Variants in CCSER1 observed in about 807,000 individuals in gnomAD.
CCSER1 encodes coiled-coil serine rich protein 1.
In CCSER1, 41 loss-of-function variants were observed where a neutral mutation model predicts 82.0. The ratio of observed to expected loss-of-function variants is 0.50; its 90% CI spans 0.39 to 0.65. The LOEUF (loss-of-function observed/expected upper bound fraction) is 0.65, where lower values mean the gene tolerates loss of function less well. Among genes scored for constraint, CCSER1 ranks in the 30% least tolerant of loss-of-function variants. The pLI is 0.00. For synonymous variants in CCSER1, 414 were observed against 383.9 expected, an observed-to-expected ratio of 1.08 and a Z score of -0.92; for missense variants, 1,119 against 1,064.2, an observed-to-expected ratio of 1.05 and a Z score of -0.72.
intron 5 of CCSER1, among the ~76,000 whole-genome samples, chr4:90,470,901 T>C (rs1764314127): frequency 6.6e-6 from 1 of 152,036 alleles, no homozygotes; most frequent in Non-Finnish European, 1.5e-5. Flanking sequence ...CTAGATAATT[T>C]GTTGATGTTG....
At chr4:91,325,639 C>G (rs984470467) in intron 10 of CCSER1, among the ~76,000 whole-genome samples, 7 of 152,176 alleles carry the variant, frequency 4.6e-5, no homozygotes, top group Non-Finnish European at 7.3e-5. Context: ...TCTCTCCTTT[C>G]ATCCATTGCT....
chr4:91,499,437 A>C (rs1759091999), intron 10 of CCSER1, among the ~76,000 whole-genome samples: 2 of 151,982 alleles, frequency 1.3e-5, no homozygotes, highest in African/African-American at 4.8e-5. Flanking sequence ...CCTGTAACAC[A>C]GTGGTACATT....
At position 90,934,580 on chromosome 4, in the gene CCSER1, G is replaced by A. The variant is rs904927270; in HGVS notation, c.2172+11133G>A. Among the ~76,000 whole-genome samples the A allele has an allele frequency of 2.0e-5, 3 of 152,016 alleles. No homozygotes were observed. The East Asian group carries it at 5.8e-4, about 29-fold the overall frequency. ...TCAAAAATCAGACAAAATCCAAATG[G>A]GCAGTATTCTACAAGACACCTCATG... On this transcript the variant is annotated intron_variant, in intron 9 of 10. Transcript: ENST00000509176.
intron 6 of CCSER1, among the ~76,000 whole-genome samples, chr4:90,635,385 A>C (rs1046210991): frequency 4.0e-5 from 6 of 151,714 alleles, no homozygotes; most frequent in Non-Finnish European, 5.9e-5. Flanking sequence ...AATGGAATGA[A>C]ACTAGGAATC....
chr4:90,198,949 A>AT (rs1032748129), intron 1 of CCSER1, among the ~76,000 whole-genome samples: 17 of 151,964 alleles, frequency 1.1e-4, no homozygotes, highest in African/African-American at 4.1e-4. Flanking sequence ...CTTTAAAACA[A>AT]TTTTTTTTCA....
At chr4:91,132,354 G>C (rs1393077364) in intron 10 of CCSER1, among the ~76,000 whole-genome samples, 1 of 152,014 alleles carries the variant, frequency 6.6e-6, no homozygotes, top group East Asian at 1.9e-4. Flanking sequence ...GGTCACAGAG[G>C]GCATTAACGT....
chr4:91,590,541 A>G (rs1347815239), intron 10 of CCSER1, among the ~76,000 whole-genome samples: 4 of 152,128 alleles, frequency 2.6e-5, no homozygotes, highest in Admixed American at 1.3e-4. Flanking sequence ...TTTCTCAGTG[A>G]TGACAGGAAA....
At chr4:90,795,795 A>G (rs1266323672) in intron 7 of CCSER1, among the ~76,000 whole-genome samples, 1 of 152,188 alleles carries the variant, frequency 6.6e-6, no homozygotes, top group East Asian at 1.9e-4. Flanking sequence ...GATGAATCAC[A>G]TTTATTTATT....
intron 7 of CCSER1, among the ~76,000 whole-genome samples, chr4:90,812,630 C>T (rs1057264264): frequency 6.6e-6 from 1 of 152,134 alleles, no homozygotes; most frequent in African/African-American, 2.4e-5. Flanking sequence ...AGTCCATTTT[C>T]ACACCACTAT....
chr4:91,272,852 G>A (rs978111144), intron 10 of CCSER1, among the ~76,000 whole-genome samples: 1 of 152,134 alleles, frequency 6.6e-6, no homozygotes, highest in Non-Finnish European at 1.5e-5. Flanking sequence ...TGAATAGTGT[G>A]TGCTTTGCCC....
chr4:91,550,606 C>T lies in CCSER1; in HGVS notation c.2218-47966C>T, dbSNP rs141806546. The stretch of plus-strand genomic sequence containing the variant: ...ATTTCTGGTTCAGAAAACAGAAGTT[C>T]GTTTTGTAATGTTTTAAGAAGAGAA... On this transcript the variant is annotated intron_variant, in intron 10 of 10. Coordinates refer to ENST00000509176, the MANE Select transcript of CCSER1 (RefSeq NM_001145065.2). Among the ~76,000 whole-genome samples the T allele has an allele frequency of 4.4e-3, 669 of 152,104 alleles. 6 individuals are homozygous for T. Among genetic ancestry groups the T allele is most frequent in the African/African-American group, 0.015 (609 of 41,488 alleles).
chr4:91,212,316 C>G (rs1311430988), intron 10 of CCSER1, among the ~76,000 whole-genome samples: 1 of 151,902 alleles, frequency 6.6e-6, no homozygotes, highest in African/African-American at 2.4e-5. Context: ...AAGCTCCTGC[C>G]GAGCTGCTTT....
intron 1 of CCSER1, among the ~76,000 whole-genome samples, chr4:90,234,566 C>T (rs1440135803): frequency 1.3e-5 from 2 of 152,124 alleles, no homozygotes; most frequent in Admixed American, 1.3e-4. Context: ...TTGATACATT[C>T]TGTGAGACCT....
At chr4:91,198,667 A>G (rs1393439730) in intron 10 of CCSER1, among the ~76,000 whole-genome samples, 1 of 152,132 alleles carries the variant, frequency 6.6e-6, no homozygotes, top group Non-Finnish European at 1.5e-5. Context: ...AAGTCAGGGG[A>G]TACATATAGT....
chr4:90,829,671 T>G (rs1038937798), intron 8 of CCSER1, among the ~76,000 whole-genome samples: 10 of 152,090 alleles, frequency 6.6e-5, no homozygotes, highest in African/African-American at 2.4e-4. Context: ...CTTTAGAACA[T>G]GAAAGAAAGG....
intron 9 of CCSER1, among the ~76,000 whole-genome samples, chr4:90,953,713 G>C (rs1733151304): frequency 6.6e-6 from 1 of 151,732 alleles, no homozygotes; most frequent in Non-Finnish European, 1.5e-5. Context: ...ACAAGTAAAT[G>C]TGCAGATGTG....
chr4:90,917,661 A>G (rs1561361129), intron 8 of CCSER1, among the ~76,000 whole-genome samples: 1 of 152,190 alleles, frequency 6.6e-6, no homozygotes, highest in Non-Finnish European at 1.5e-5. Flanking sequence ...TTAAAGTATA[A>G]TTTTTTAAAA....
chr4:90,664,418 G>A (rs111262724), intron 6 of CCSER1, among the ~76,000 whole-genome samples: 16 of 152,038 alleles, frequency 1.1e-4, no homozygotes, highest in African/African-American at 3.9e-4. Flanking sequence ...ATATACTAAC[G>A]GAAAAGGGAG....
chr4:91,456,797 A>T (rs1307228649), intron 10 of CCSER1, among the ~76,000 whole-genome samples: 1 of 152,118 alleles, frequency 6.6e-6, no homozygotes, highest in Non-Finnish European at 1.5e-5. Context: ...GACCCACTAA[A>T]ATACTAATAC....
Sources: gnomAD v4.1 joint callset for allele counts (sites outside exome capture counted in the v4.1 genomes callset) on GRCh38, gnomAD v4.1.1 for gene constraint, MANE v1.5 for transcripts, NCBI Gene and HGNC (gene_info 2026-07-23, HGNC 2026-07-21) for gene names.